The following PAPPA2 variants were observed in gnomAD, a reference collection of about 807,000 sequenced individuals.
PAPPA2 encodes pappalysin 2.
In PAPPA2, 86 loss-of-function variants were observed where a neutral mutation model predicts 176.4. That is an observed-to-expected ratio of 0.49 (90% CI 0.41 to 0.58). The LOEUF is 0.58. PAPPA2 is among the 20% of genes least tolerant of loss of function. The pLI is 0.00. For missense variants in PAPPA2, 2,073 were observed against 2,256.9 expected (o/e 0.92, Z 1.65); for synonymous variants, 809 against 852.2 (o/e 0.95, Z 0.88).
At chr1:176,765,570 T>C in intron 14 of PAPPA2, 96 bp from the exon 15 acceptor site, 1 of 1,216,816 alleles carries the variant, frequency 8.2e-7, no homozygotes, top group Non-Finnish European at 1.2e-6. Flanking sequence ...TTGTTCTCTC[T>C]GGTTTAGGAG....
At chr1:176,775,168 A>G (rs1407972390) in intron 17 of PAPPA2, among the ~76,000 whole-genome samples, 1 of 152,152 alleles carries the variant, frequency 6.6e-6, no homozygotes, top group Non-Finnish European at 1.5e-5. Context: ...TGATCTGGTT[A>G]CTCATCTATA....
chr1:176,765,614 T>A, intron 14 of PAPPA2, 52 bp from the exon 15 acceptor site: 1 of 1,557,690 alleles, frequency 6.4e-7, no homozygotes, highest in Non-Finnish European at 8.7e-7. Context: ...TCATTGCTCC[T>A]CCTTACTGGT....
At chr1:176,612,618 A>G (rs1473304856) in intron 3 of PAPPA2, among the ~76,000 whole-genome samples, 1 of 152,210 alleles carries the variant, frequency 6.6e-6, no homozygotes, top group Non-Finnish European at 1.5e-5. Context: ...TCAAGAGAAC[A>G]ACTGCCATAG....
At chr1:176,554,201 A>T (rs1651135303) in intron 1 of PAPPA2, among the ~76,000 whole-genome samples, 1 of 152,196 alleles carries the variant, frequency 6.6e-6, no homozygotes, top group Non-Finnish European at 1.5e-5. Flanking sequence ...TAGCTGGGGT[A>T]GAGGAGTTTA....
chr1:176,779,519 C>G (rs112730894), intron 17 of PAPPA2, among the ~76,000 whole-genome samples: 7,572 of 101,940 alleles, frequency 0.074, 244 homozygotes, highest in Middle Eastern at 0.19. Context: ...CACACACACA[C>G]AGAGAGAGAG....
At chr1:176,763,726 T>G (rs1449316817) in intron 14 of PAPPA2, among the ~76,000 whole-genome samples, 7 of 152,140 alleles carry the variant, frequency 4.6e-5, no homozygotes. Flanking sequence ...GATTAAAGAA[T>G]GAGAAAATGC....
Position 176,616,764 on chromosome 1 carries a change from G to A in PAPPA2, c.1991+21169G>A, listed in dbSNP as rs1655285542. 6.3e-6 allele frequency: 7 copies of A among 1,114,516 alleles called. No individual in the cohort carries two copies. The South Asian group carries it at 8.6e-5, about 14-fold the overall frequency. The allele number at this position is 1,114,516 out of a possible 1,614,324, so 69.0% of individuals were successfully genotyped here. A position where few individuals can be genotyped will look rare whatever the true frequency, so the allele number is the denominator to read the frequency against. Reference sequence around the variant, plus strand: ...CATGTTCTTGTATGTGACTTTCACAGGAGCTGGGTGGTTCATTCGAGGTGT... The same window carrying A: ...CATGTTCTTGTATGTGACTTTCACAAGAGCTGGGTGGTTCATTCGAGGTGT... On this transcript the variant is annotated intron_variant, in intron 3 of 22. Coordinates refer to ENST00000367662, the MANE Select transcript of PAPPA2 (RefSeq NM_020318.3).
At chr1:176,757,737 G>A (rs908420147) in intron 14 of PAPPA2, among the ~76,000 whole-genome samples, 11 of 152,144 alleles carry the variant, frequency 7.2e-5, no homozygotes, top group Admixed American at 1.3e-4. Context: ...TTTGGCTTTT[G>A]TTGCCATTGC....
intron 17 of PAPPA2, among the ~76,000 whole-genome samples, chr1:176,784,884 C>A (rs1370330854): frequency 6.6e-6 from 1 of 152,180 alleles, no homozygotes; most frequent in Non-Finnish European, 1.5e-5. Context: ...CCGCGCCCGG[C>A]CAGATGATTG....
chr1:176,498,508 G>A (rs1403743251), intron 1 of PAPPA2, among the ~76,000 whole-genome samples: 1 of 152,096 alleles, frequency 6.6e-6, no homozygotes, highest in African/African-American at 2.4e-5. Flanking sequence ...CCAGCGCTTT[G>A]GGTGGCCAAG....
At chr1:176,565,913 A>G (rs1269545705) in intron 2 of PAPPA2, among the ~76,000 whole-genome samples, 1 of 152,090 alleles carries the variant, frequency 6.6e-6, no homozygotes, top group African/African-American at 2.4e-5. Flanking sequence ...TCTTGAAGGT[A>G]TCCTCAGATG....
chr1:176,550,894 C>T (rs2294650), intron 1 of PAPPA2, among the ~76,000 whole-genome samples: 117,054 of 152,012 alleles, frequency 0.77, 46,001 homozygotes, highest in East Asian at 1. Context: ...GCATTTTTGC[C>T]GGGATGTGGA....
chr1:176,514,178 C>T (rs1378479628), intron 1 of PAPPA2, among the ~76,000 whole-genome samples: 1 of 152,222 alleles, frequency 6.6e-6, no homozygotes, highest in South Asian at 2.1e-4. Context: ...GCATCTACTT[C>T]TGGTGAGGCC....
At chr1:176,616,571 A>C (rs1317426278) in intron 3 of PAPPA2, 3 of 1,487,284 alleles carry the variant, frequency 2.0e-6, no homozygotes, top group Non-Finnish European at 2.8e-6. Context: ...ATGGTGGTGC[A>C]CCATCACCAA....
chr1:176,655,055 T>C (rs1335730206), intron 3 of PAPPA2, among the ~76,000 whole-genome samples: 1 of 151,832 alleles, frequency 6.6e-6, no homozygotes, highest in Non-Finnish European at 1.5e-5. Context: ...TTTAGATGCC[T>C]GTTTTTTATT....
chr1:176,797,414 T>C (rs1258727666), intron 20 of PAPPA2, among the ~76,000 whole-genome samples: 1 of 152,066 alleles, frequency 6.6e-6, no homozygotes, highest in African/African-American at 2.4e-5. Flanking sequence ...GAGGGCAAGG[T>C]AGGAGAATTG....
chr1:176,663,737 G>A (rs891338534), intron 3 of PAPPA2, among the ~76,000 whole-genome samples: 2 of 152,112 alleles, frequency 1.3e-5, no homozygotes, highest in African/African-American at 4.8e-5. Flanking sequence ...AGTGGAGGAG[G>A]TGAGCCTAGA....
At chr1:176,722,971 T>C (rs1661693051) in intron 12 of PAPPA2, among the ~76,000 whole-genome samples, 1 of 152,160 alleles carries the variant, frequency 6.6e-6, no homozygotes, top group Admixed American at 6.5e-5. Flanking sequence ...CTGGTTAGTT[T>C]ATAAAGAAAA....
intron 2 of PAPPA2, among the ~76,000 whole-genome samples, chr1:176,580,133 C>T (rs868397965): frequency 8.5e-5 from 13 of 152,118 alleles, no homozygotes; most frequent in African/African-American, 2.9e-4. Context: ...AATTCTGTAT[C>T]CTTTAGCAAA....
Sources: gnomAD v4.1 joint callset for allele counts (sites outside exome capture counted in the v4.1 genomes callset) on GRCh38, gnomAD v4.1.1 for gene constraint, MANE v1.5 for transcripts, NCBI Gene and HGNC (gene_info 2026-07-23, HGNC 2026-07-21) for gene names.